ZBTB46: variants seen among roughly 807,000 people sequenced by gnomAD.
The protein encoded by ZBTB46 is zinc finger and BTB domain-containing protein 46.
A neutral mutation model predicts 44.1 loss-of-function variants in ZBTB46; 8 were observed. That is an observed-to-expected ratio of 0.18 (90% CI 0.11 to 0.33). The LOEUF (loss-of-function observed/expected upper bound fraction) is 0.33, where lower values mean the gene tolerates loss of function less well. ZBTB46 is among the 10% of genes least tolerant of loss of function. The probability of loss-of-function intolerance (pLI) is 1.00; values close to 1 mark genes in which losing one functional copy is unlikely to be tolerated. For synonymous variants in ZBTB46, 409 were observed against 382.3 expected (o/e 1.07, Z -0.81); for missense variants, 651 against 847.7 (o/e 0.77, Z 2.88).
chr20:63,774,373 A>G (rs1195838714), intron 3 of ZBTB46, among the ~76,000 whole-genome samples: 1 of 152,246 alleles, frequency 6.6e-6, no homozygotes, highest in Non-Finnish European at 1.5e-5. Flanking sequence ...AGCAGCGTAA[A>G]GAAACAGAGA....
At chr20:63,792,274 T>C (rs1365165209) in intron 1 of ZBTB46, among the ~76,000 whole-genome samples, 3 of 152,170 alleles carry the variant, frequency 2.0e-5, no homozygotes, top group Admixed American at 6.5e-5. Context: ...TGGTTGGGTC[T>C]CTCCCGTTAC....
intron 3 of ZBTB46, among the ~76,000 whole-genome samples, chr20:63,771,900 A>G (rs2092377792): frequency 6.6e-6 from 1 of 151,548 alleles, no homozygotes; most frequent in African/African-American, 2.4e-5. Context: ...TTCTACAGCC[A>G]CTCTGCTGGG....
In ZBTB46 at chr20:63,752,689, C is replaced by T. The variant is rs768464721; in HGVS notation, c.1395G>A (p.Thr465=). The T allele has an allele frequency of 1.9e-6, 3 of 1,581,070 alleles. No individual in the cohort carries two copies. The highest frequency in any genetic ancestry group is 2.6e-6 in the Non-Finnish European group (3 of 1,164,596). The change falls in exon 4 of 5, where the codon ACG becomes ACA. Residue 465 remains threonine (T), a synonymous_variant. Transcript: ENST00000245663. The surrounding 1 kb of genome is among the most constrained non-coding windows in gnomAD (Gnocchi z 5.6). ...CGCGGACCCTCCCCGCACTCACCAGCGTGTGGCGCTTCATGTGCTCGCGCC... is the reference window on the plus strand; with the variant it reads ...CGCGGACCCTCCCCGCACTCACCAGTGTGTGGCGCTTCATGTGCTCGCGCC... The part of the protein sequence containing the change: ...FTRREHMKRH[T]LVHSKDKKYV...
intron 2 of ZBTB46, 38 bp from the exon 3 acceptor site, chr20:63,776,000 G>A (rs148192225): frequency 5.9e-5 from 88 of 1,503,710 alleles, no homozygotes; most frequent in African/African-American, 2.4e-4. Context: ...GACACGGGTC[G>A]TTCCCAGACT....
chr20:63,826,494 G>A lies in ZBTB46; in HGVS notation c.-34+4603C>T, dbSNP rs571572754. Among the ~76,000 whole-genome samples, 474 of 152,124 alleles carry A rather than the reference G, an allele frequency of 3.1e-3. 6 individuals carry two copies. The highest frequency in any genetic ancestry group is 0.011 in the African/African-American group (449 of 41,474). ...TCCCAGCACTTTGGGAGGCCGAGGC[G>A]GGTGAATCATGAGGTCAGGAGATCG... On this transcript the variant is annotated intron_variant, in intron 1 of 4. Transcript: ENST00000245663.
Position 63,752,940 on chromosome 20 carries a change from C to T in ZBTB46, c.1223-79G>A, listed in dbSNP as rs1036485295. ...CGGCCCACAGACCACGGCTGCACGC[C>T]GCAGCCCAGCAGCCAGGACGGGCTG... On this transcript the variant is annotated intron_variant, in intron 3 of 4. Coordinates refer to ENST00000245663, the MANE Select transcript of ZBTB46 (RefSeq NM_001369741.1). This position sits in a 1 kb window ranked among gnomAD's most constrained non-coding sequence, Gnocchi z 5.6. The T allele has an allele frequency of 1.5e-5, 22 of 1,466,896 alleles. No homozygotes were observed. Among genetic ancestry groups the T allele is most frequent in the Admixed American group, 2.1e-5 (1 of 48,528 alleles). The allele number at this position is 1,466,896 out of a possible 1,614,324, so 90.9% of individuals were successfully genotyped here.
chr20:63,830,304 G>C (rs1287008909), intron 1 of ZBTB46, among the ~76,000 whole-genome samples: 2 of 152,126 alleles, frequency 1.3e-5, no homozygotes, highest in Non-Finnish European at 2.9e-5. Flanking sequence ...GTCAGACACC[G>C]GCTCGCGCTC....
chr20:63,798,493 G>A (rs1046469004), intron 1 of ZBTB46, among the ~76,000 whole-genome samples: 2 of 151,670 alleles, frequency 1.3e-5, no homozygotes, highest in African/African-American at 4.8e-5. Flanking sequence ...TGGCCAACAT[G>A]GTCAAACCCC....
intron 2 of ZBTB46, among the ~76,000 whole-genome samples, chr20:63,780,206 G>C (rs1241540739): frequency 1.3e-5 from 2 of 151,050 alleles, no homozygotes; most frequent in Admixed American, 6.6e-5. Context: ...GGGAGACAGA[G>C]GTTGCGGTGA....
intron 1 of ZBTB46, among the ~76,000 whole-genome samples, chr20:63,798,674 C>CAAAAAAAAAAAAAAAAAAAAAAAAAAAAA (rs71197435): frequency 1.1e-4 from 2 of 18,746 alleles, no homozygotes; most frequent in Non-Finnish European, 1.6e-4. Flanking sequence ...GACTCTGTCT[C>CAAAAAAAAAAAAAAAAAAAAAAAAAAAAA]AAAAAAAAAA....
chr20:63,813,997 G>C lies in ZBTB46; in HGVS notation c.-34+17100C>G, dbSNP rs929137885. Among the ~76,000 whole-genome samples, 39 of 152,338 alleles carry C rather than the reference G, an allele frequency of 2.6e-4. 1 individual carries two copies. The highest frequency in any genetic ancestry group is 2.0e-3 in the Admixed American group (30 of 15,298). ...CGCCTGTAATCCCAGCACTTTGGGA[G>C]ACCGAGGCGGGTGGATCACAAGGTC... On this transcript the variant is annotated intron_variant, in intron 1 of 4. Coordinates refer to ENST00000245663, the MANE Select transcript of ZBTB46 (RefSeq NM_001369741.1).
rs2092070368 is a variant in ZBTB46, at chr20:63,744,570, A to C, written c.*2360T>G. On this transcript the variant is annotated 3_prime_UTR_variant, in exon 5 of 5. Transcript: ENST00000245663. ...TATTAGTTTGAACATCGATTTAAAAAAAAATCAGTCACATAAAAAAAACCC... is the reference window on the plus strand; with the variant it reads ...TATTAGTTTGAACATCGATTTAAAACAAAATCAGTCACATAAAAAAAACCC... 6.6e-6 allele frequency: 1 copy of C among 152,372 alleles called. No homozygotes were observed. 9.4% of individuals were successfully genotyped at this position (152,372 alleles called of 1,614,324 possible).
At chr20:63,750,139 G>A (rs1234495829) in intron 4 of ZBTB46, among the ~76,000 whole-genome samples, 3 of 152,230 alleles carry the variant, frequency 2.0e-5, no homozygotes, top group Non-Finnish European at 4.4e-5. Context: ...GGACCGGCTA[G>A]AGCTGCTGTC....
At position 63,790,584 on chromosome 20, in the gene ZBTB46, C is replaced by A. The variant is rs778696862; in HGVS notation, c.174G>T (p.Thr58=). 7 of 1,612,974 alleles carry A rather than the reference C, an allele frequency of 4.3e-6. No homozygotes were observed. The highest frequency in any genetic ancestry group is 4.0e-5 in the African/African-American group (3 of 74,944). ...ACGTCTTCTGCACCTGGCAGTAGAG[C>A]GTCTTGAAGTAGCGGCTGCTGCCCA... ...VLLGSSRYFK[T]LYCQVQKTSE... is the part of the protein sequence containing the mutation. Residue 58 remains threonine (T), a synonymous_variant, in exon 2 of 5, where the codon ACG becomes ACT. Coordinates refer to ENST00000245663, the MANE Select transcript of ZBTB46 (RefSeq NM_001369741.1).
At chr20:63,766,568 C>G (rs1221188075) in intron 3 of ZBTB46, among the ~76,000 whole-genome samples, 1 of 150,606 alleles carries the variant, frequency 6.6e-6, no homozygotes, top group Non-Finnish European at 1.5e-5. Context: ...TTCTCTACAA[C>G]TGATATTAAA....
chr20:63,790,161 C>T lies in ZBTB46; in HGVS notation c.597G>A (p.Glu199=). The T allele has an allele frequency of 1.9e-6, 3 of 1,613,920 alleles. No homozygotes were observed. The highest frequency in any genetic ancestry group is 2.5e-6 in the Non-Finnish European group (3 of 1,180,026). Residue 199 remains glutamate (E), a synonymous_variant, in exon 2 of 5, where the codon GAG becomes GAA. Coordinates refer to ENST00000245663, the MANE Select transcript of ZBTB46 (RefSeq NM_001369741.1). ...GGCCATCGGCCTTGGGCTCCTGATC[C>T]TCTTTCCCGTAGCTGCTCCCTCCGT... ...CHDGGSSYGK[E]DQEPKADGPD...
chr20:63,762,413 G>A (rs956241996), intron 3 of ZBTB46, among the ~76,000 whole-genome samples: 2 of 152,000 alleles, frequency 1.3e-5, no homozygotes, highest in Non-Finnish European at 2.9e-5. Flanking sequence ...CAGCACTTTG[G>A]GAGGCCGAGG....
At position 63,758,091 on chromosome 20, in the gene ZBTB46, C is replaced by G. The variant is rs185932273; in HGVS notation, c.1223-5230G>C. Among the ~76,000 whole-genome samples the G allele has an allele frequency of 8.3e-3, 226 of 27,178 alleles. 37 individuals carry two copies. Among genetic ancestry groups the G allele is most frequent in the Middle Eastern group, 0.021 (1 of 48 alleles). 17.8% of individuals were successfully genotyped at this position (27,178 alleles called of 152,430 possible). ...TCCACCCGCCCATCCAGAGCTCACA[C>G]TCCCTCCACCTGCCCATCCAGGGCT... On this transcript the variant is annotated intron_variant, in intron 3 of 4. Transcript: ENST00000245663.
intron 2 of ZBTB46, among the ~76,000 whole-genome samples, chr20:63,780,434 A>G (rs954590317): frequency 6.6e-6 from 1 of 152,184 alleles, no homozygotes; most frequent in Non-Finnish European, 1.5e-5. Context: ...CACGCCACAT[A>G]CAAAAAAACC....
Sources: allele counts gnomAD v4.1 joint callset (sites outside exome capture counted in the v4.1 genomes callset), GRCh38; gene constraint gnomAD v4.1.1; non-coding constraint Gnocchi (gnomAD v3.1); transcripts MANE v1.5; gene names NCBI Gene and HGNC (gene_info 2026-07-23, HGNC 2026-07-21).